Variants in TLR7 observed in about 807,000 individuals in gnomAD.
The protein encoded by TLR7 is toll like receptor 7, also known as toll-like receptor 7.
In TLR7, 12 loss-of-function variants were observed where a neutral mutation model predicts 38.3. The ratio of observed to expected loss-of-function variants is 0.31; its 90% CI spans 0.20 to 0.51. TLR7 has a LOEUF of 0.51. TLR7 is among the 20% of genes least tolerant of loss of function. The probability of loss-of-function intolerance (pLI) is 0.98; values close to 1 mark genes in which losing one functional copy is unlikely to be tolerated. For missense variants in TLR7, 504 were observed against 743.4 expected (o/e 0.68, Z 3.74); for synonymous variants, 285 against 293.8 (o/e 0.97, Z 0.31).
intron 2 of TLR7, among the ~76,000 whole-genome samples, chrX:12,877,003 C>A (rs7886759): frequency 0.022 from 2,450 of 111,295 alleles, 70 homozygotes; most frequent in African/African-American, 0.075. Context: ...TGGCTTGATG[C>A]CGAACCCTTA....
intron 2 of TLR7, among the ~76,000 whole-genome samples, chrX:12,878,937 G>A (rs999680351): frequency 2.7e-5 from 3 of 111,620 alleles, no homozygotes; most frequent in Non-Finnish European, 5.7e-5. Flanking sequence ...TTTATTTTGG[G>A]GTAAACTACA....
chrX:12,884,437 A>G (rs2042903082), intron 2 of TLR7, among the ~76,000 whole-genome samples: 1 of 112,303 alleles, frequency 8.9e-6, no homozygotes, highest in African/African-American at 3.2e-5. Flanking sequence ...TGGAGTAGAC[A>G]TTGCTAGAAA....
At chrX:12,883,837 A>AG (rs1283014134) in intron 2 of TLR7, among the ~76,000 whole-genome samples, 1 of 111,301 alleles carries the variant, frequency 9.0e-6, no homozygotes, top group Non-Finnish European at 1.9e-5. Flanking sequence ...AGGAAAAGAT[A>AG]GGGGGGTGAC....
Position 12,880,783 on chromosome X carries a change from G to A in TLR7, c.4-4729G>A, listed in dbSNP as rs148171431. On this transcript the variant is annotated intron_variant, in intron 2 of 2. Coordinates refer to ENST00000380659, the MANE Select transcript of TLR7 (RefSeq NM_016562.4). ...CTCTTGCAGCTTACATTCTTGTACA[G>A]AATAGACATCATACGAATAAGCAAC... Among the ~76,000 whole-genome samples the A allele has an allele frequency of 4.2e-3, 472 of 111,718 alleles. 4 individuals are homozygous for A. Among genetic ancestry groups the A allele is most frequent in the African/African-American group, 0.014 (441 of 30,777 alleles).
chrX:12,886,357 A>G lies in TLR7; in HGVS notation c.849A>G (p.Val283=), dbSNP rs750684005. 9.1e-6 allele frequency: 11 copies of G among 1,210,452 alleles called. No homozygotes were observed. The African/African-American group carries it at 1.0e-4, about 12-fold the overall frequency. The change falls in exon 3 of 3, where the codon GTA becomes GTG. Residue 283 remains valine (V), a synonymous_variant. Coordinates refer to ENST00000380659, the MANE Select transcript of TLR7 (RefSeq NM_016562.4). ...ATAATTCTCCCCTACAGATCCCTGT[A>G]AATGCTTTTGATGCGCTGACAGAAT... is the stretch of plus-strand genomic sequence containing the variant. The part of the protein sequence containing the change: ...CKNNSPLQIP[V]NAFDALTELK...
In TLR7 at chrX:12,887,718, G is replaced by C. The variant is rs201873447; in HGVS notation, c.2210G>C (p.Ser737Thr). The change falls in exon 3 of 3, where the codon AGT (serine) becomes ACT (threonine). Residue 737 changes from serine (S) to threonine (T), a missense_variant. By Grantham distance (58) the Ser-to-Thr change is moderately conservative. Coordinates refer to ENST00000380659, the MANE Select transcript of TLR7 (RefSeq NM_016562.4). The part of the protein sequence containing the change: ...NLILKNNQIR[S>T]LTKYFLQDAF... The stretch of plus-strand genomic sequence containing the variant: ...ATTCTTAAGAATAATCAAATCAGGA[G>C]TCTGACGAAGTATTTTCTACAAGAT... 2.5e-6 allele frequency: 3 copies of C among 1,210,730 alleles called. No individual in the cohort carries two copies. Among genetic ancestry groups the C allele is most frequent in the Non-Finnish European group, 2.2e-6 (2 of 894,767 alleles).
rs754714991 is a variant in TLR7 at position 12,888,967 on chromosome X, T to A, written c.*309T>A. On this transcript the variant is annotated 3_prime_UTR_variant, in exon 3 of 3. Coordinates refer to ENST00000380659, the MANE Select transcript of TLR7 (RefSeq NM_016562.4). ...CTCCTGTAATTGTGATAATTAAATA[T>A]ACACACAATCATGACATTGAGAAGA... 3.6e-5 allele frequency: 8 copies of A among 224,868 alleles called. No homozygotes were observed. The South Asian group carries it at 1.3e-3, about 36-fold the overall frequency. The allele number at this position is 224,868 out of a possible 1,213,427, so 18.5% of individuals were successfully genotyped here. A position where few individuals can be genotyped will look rare whatever the true frequency, so the allele number is the denominator to read the frequency against.
intron 2 of TLR7, among the ~76,000 whole-genome samples, chrX:12,876,310 A>G (rs2042870373): frequency 8.9e-6 from 1 of 111,874 alleles, no homozygotes; most frequent in Non-Finnish European, 1.9e-5. Context: ...CAATTTCTCT[A>G]TGCCCCAAAA....
In TLR7 at chrX:12,867,563, T is replaced by A; in HGVS notation, c.-16T>A. On this transcript the variant is annotated 5_prime_UTR_variant, in exon 2 of 3. An upstream open reading frame in the 5' UTR gains an earlier in-frame stop. Transcript: ENST00000380659. ...TCAACCAGACCTCTACATTCCATTTTGGAAGAAGACTAAAAATGGTAAGAA... is the reference window on the plus strand; with the variant it reads ...TCAACCAGACCTCTACATTCCATTTAGGAAGAAGACTAAAAATGGTAAGAA... 1 of 1,209,438 alleles carries A rather than the reference T, an allele frequency of 8.3e-7. No homozygotes were observed. The highest frequency in any genetic ancestry group is 1.8e-5 in the South Asian group (1 of 56,828).
At position 12,888,328 on chromosome X, in the gene TLR7, G is replaced by A. The variant is rs1398977968; in HGVS notation, c.2820G>A (p.Leu940=). 8.3e-7 allele frequency: 1 copy of A among 1,211,704 alleles called. No individual in the cohort carries two copies. The highest frequency in any genetic ancestry group is 1.1e-6 in the Non-Finnish European group (1 of 895,456). Residue 940 remains leucine (L), a synonymous_variant, in exon 3 of 3, where the codon CTG becomes CTA. Transcript: ENST00000380659. ...ACTGGTTACCAGGGCAGCCAGTTCT[G>A]GAAAACCTTTCCCAGAGCATACAGC... ...ERDWLPGQPV[L]ENLSQSIQLS...
At chrX:12,884,782 T>C (rs1030481919) in intron 2 of TLR7, among the ~76,000 whole-genome samples, 2 of 112,534 alleles carry the variant, frequency 1.8e-5, no homozygotes, top group African/African-American at 6.5e-5. Context: ...GTGCCCTGAC[T>C]CTACTACTAT....
At position 12,867,305 on chromosome X, in the gene TLR7, A is replaced by G. The variant is rs186242091; in HGVS notation, c.-98-176A>G. The stretch of plus-strand genomic sequence containing the variant: ...TCTTCAAAGATAAAGTTAGGCTTTC[A>G]GTAACGTTAGAAATGGTTTTCTGGA... On this transcript the variant is annotated intron_variant, in intron 1 of 2. Transcript: ENST00000380659. 4.4e-5 allele frequency among the ~76,000 whole-genome samples: 5 copies of G among 112,619 alleles called. No individual in the cohort carries two copies. The East Asian group carries it at 1.4e-3, about 31-fold the overall frequency.
intron 2 of TLR7, among the ~76,000 whole-genome samples, chrX:12,882,188 A>T (rs1305833950): frequency 8.9e-6 from 1 of 111,941 alleles, no homozygotes; most frequent in Admixed American, 9.5e-5. Flanking sequence ...AAGTCAGAAC[A>T]CCCTTGATAT....
chrX:12,875,277 T>C (rs772317700), intron 2 of TLR7, among the ~76,000 whole-genome samples: 22 of 112,078 alleles, frequency 2.0e-4, no homozygotes, highest in Non-Finnish European at 3.8e-4. Context: ...ACACAGCTTC[T>C]GACAATAGAG....
intron 2 of TLR7, among the ~76,000 whole-genome samples, chrX:12,870,904 G>C (rs1044179898): frequency 1.8e-5 from 2 of 112,059 alleles, no homozygotes; most frequent in Admixed American, 9.5e-5. Context: ...GCCCTTTACA[G>C]AAAAAGTACG....
Position 12,882,879 on chromosome X carries a change from G to A in TLR7, c.4-2633G>A, listed in dbSNP as rs184786819. On this transcript the variant is annotated intron_variant, in intron 2 of 2. Coordinates refer to ENST00000380659, the MANE Select transcript of TLR7 (RefSeq NM_016562.4). ...TCCCAGGCTCTCATTTAGGTACATG[G>A]GAATGGGATGGGAAGAGGGACCTGG... 9.8e-5 allele frequency among the ~76,000 whole-genome samples: 11 copies of A among 111,794 alleles called. No homozygotes were observed. In the East Asian group the frequency reaches 2.5e-3, roughly 26 times the overall value.
chrX:12,871,625 A>G (rs1024486827), intron 2 of TLR7, among the ~76,000 whole-genome samples: 9 of 111,949 alleles, frequency 8.0e-5, no homozygotes, highest in Non-Finnish European at 1.1e-4. Context: ...TTAGAAATGC[A>G]GATCCCAACA....
At chrX:12,871,096 A>G (rs1312919353) in intron 2 of TLR7, among the ~76,000 whole-genome samples, 1 of 112,081 alleles carries the variant, frequency 8.9e-6, no homozygotes, top group Admixed American at 9.5e-5. Context: ...CTAAAATGAT[A>G]GGAAGTAAAT....
chrX:12,886,516 G>A lies in TLR7; in HGVS notation c.1008G>A (p.Leu336=), dbSNP rs1295751117. The A allele has an allele frequency of 8.3e-7, 1 of 1,210,199 alleles. No homozygotes were observed. Among genetic ancestry groups the A allele is most frequent in the Non-Finnish European group, 1.1e-6 (1 of 895,230 alleles). ...LAKEIGDAKF[L]HFLPSLIQLD... The stretch of plus-strand genomic sequence containing the variant: ...AAGAAATTGGGGATGCTAAATTTCT[G>A]CATTTTCTCCCCAGCCTCATCCAAT... Residue 336 remains leucine (L), a synonymous_variant, in exon 3 of 3, where the codon CTG becomes CTA. Coordinates refer to ENST00000380659, the MANE Select transcript of TLR7 (RefSeq NM_016562.4).
Sources: gnomAD v4.1 joint callset for allele counts (sites outside exome capture counted in the v4.1 genomes callset) on GRCh38, gnomAD v4.1.1 for gene constraint, MANE v1.5 for transcripts, NCBI Gene and HGNC (gene_info 2026-07-23, HGNC 2026-07-21) for gene names.